The following FHAD1 variants were observed in gnomAD, a reference collection of about 807,000 sequenced individuals.
The protein encoded by FHAD1 is forkhead-associated domain-containing protein 1.
FHAD1 carries 146 observed loss-of-function variants against 191.3 expected under a neutral mutation model. The ratio of observed to expected loss-of-function variants is 0.76; its 90% CI spans 0.67 to 0.88. The LOEUF is 0.88. FHAD1 is among the 40% of genes least tolerant of loss of function. The pLI, the probability that FHAD1 is intolerant of heterozygous loss-of-function variation, is 0.00. For synonymous variants in FHAD1, 616 were observed against 672.3 expected, an observed-to-expected ratio of 0.92 and a Z score of 1.29; for missense variants, 1,635 against 1,785.8, an observed-to-expected ratio of 0.92 and a Z score of 1.52.
At chr1:15,391,508 A>G (rs1222918923) in intron 33 of FHAD1, among the ~76,000 whole-genome samples, 1 of 152,108 alleles carries the variant, frequency 6.6e-6, no homozygotes, top group African/African-American at 2.4e-5. Context: ...CTCTTTTTTA[A>G]TCAAGTCTAT....
At chr1:15,253,103 A>G (rs553828040) in intron 2 of FHAD1, among the ~76,000 whole-genome samples, 1 of 151,576 alleles carries the variant, frequency 6.6e-6, no homozygotes, top group Non-Finnish European at 1.5e-5. Flanking sequence ...GTTACTTACT[A>G]TGTGTGACTA....
intron 3 of FHAD1, among the ~76,000 whole-genome samples, chr1:15,284,624 G>T (rs577888932): frequency 2.6e-5 from 4 of 152,268 alleles, no homozygotes; most frequent in African/African-American, 7.2e-5. Flanking sequence ...CTCCCTTGGC[G>T]TTTTAGGGTG....
chr1:15,337,174 A>G (rs1684523210), intron 14 of FHAD1, among the ~76,000 whole-genome samples: 1 of 152,110 alleles, frequency 6.6e-6, no homozygotes, highest in Non-Finnish European at 1.5e-5. Context: ...AGGACCCTGG[A>G]TGGGCTGGGC....
At chr1:15,248,441 T>C (rs1207393790) in intron 1 of FHAD1, among the ~76,000 whole-genome samples, 1 of 151,844 alleles carries the variant, frequency 6.6e-6, no homozygotes, top group Non-Finnish European at 1.5e-5. Flanking sequence ...TACCCCGGGG[T>C]GATGCAGGAC....
chr1:15,291,640 C>T (rs74695398), intron 4 of FHAD1, among the ~76,000 whole-genome samples: 178 of 152,224 alleles, frequency 1.2e-3, no homozygotes, highest in East Asian at 8.3e-3. Flanking sequence ...AAACCCTATG[C>T]GTTATCTTAC....
intron 4 of FHAD1, among the ~76,000 whole-genome samples, chr1:15,292,985 C>A (rs913616063): frequency 6.6e-6 from 1 of 152,090 alleles, no homozygotes; most frequent in Non-Finnish European, 1.5e-5. Context: ...TATTGAGCCC[C>A]CTAGTCTGTG....
At chr1:15,271,734 A>G (rs548973220) in intron 2 of FHAD1, among the ~76,000 whole-genome samples, 109 of 152,350 alleles carry the variant, frequency 7.2e-4, no homozygotes, top group African/African-American at 2.5e-3. Context: ...AGCATAGAAA[A>G]AAAACGTGGA....
intron 19 of FHAD1, among the ~76,000 whole-genome samples, chr1:15,352,176 T>C (rs781643792): frequency 2.0e-5 from 3 of 152,200 alleles, no homozygotes; most frequent in East Asian, 1.9e-4. Flanking sequence ...GTTGTACATA[T>C]ACACGTATAT....
At chr1:15,366,028 C>T in intron 24 of FHAD1, 95 bp downstream of exon 24, 1 of 828,276 alleles carries the variant, frequency 1.2e-6, no homozygotes, top group East Asian at 2.7e-5. Flanking sequence ...TGGCGCACGC[C>T]TATAATCCCA....
chr1:15,281,865 T>G (rs1217541319), intron 3 of FHAD1, among the ~76,000 whole-genome samples: 4 of 152,078 alleles, frequency 2.6e-5, no homozygotes, highest in Non-Finnish European at 4.4e-5. Context: ...TACATTCTTC[T>G]GTAAGGAAGT....
chr1:15,391,127 TG>T, intron 32 of FHAD1, 82 bp from the exon 33 acceptor site: 2 of 687,640 alleles, frequency 2.9e-6, no homozygotes, highest in Non-Finnish European at 4.2e-6. Context: ...CATCTAAAAG[TG>T]GAGAAAAATC....
chr1:15,250,877 T>C (rs1780606), intron 1 of FHAD1, among the ~76,000 whole-genome samples: 44,269 of 151,990 alleles, frequency 0.29, 7,491 homozygotes, highest in Non-Finnish European at 0.39. Flanking sequence ...TATAGAAGTT[T>C]AGGGTTCCTT....
intron 14 of FHAD1, among the ~76,000 whole-genome samples, chr1:15,332,922 A>G (rs191247252): frequency 6.6e-6 from 1 of 152,242 alleles, no homozygotes; most frequent in Non-Finnish European, 1.5e-5. Flanking sequence ...CAAGAAGGGG[A>G]TAAAGAAAAC....
chr1:15,281,754 CTGTCTCAAAAAAAA>C (rs1660672563), intron 3 of FHAD1, among the ~76,000 whole-genome samples: 1 of 103,856 alleles, frequency 9.6e-6, no homozygotes, highest in Non-Finnish European at 1.7e-5. Context: ...GAGTGAGACA[CTGTCTCAAAAAAAA>C]AAAAAAAAAA....
At chr1:15,252,992 TAG>T in intron 2 of FHAD1, among the ~76,000 whole-genome samples, 1 of 152,280 alleles carries the variant, frequency 6.6e-6, no homozygotes, top group Middle Eastern at 3.4e-3. Flanking sequence ...CCTCACTCAA[TAG>T]ACTTTTTTAA....
intron 3 of FHAD1, among the ~76,000 whole-genome samples, chr1:15,281,201 C>G: frequency 6.6e-6 from 1 of 152,172 alleles, no homozygotes; most frequent in East Asian, 1.9e-4. Context: ...GCTCTTCTGT[C>G]TGCGTTTTAG....
chr1:15,374,073 A>C (rs1698876400), intron 26 of FHAD1, among the ~76,000 whole-genome samples: 1 of 152,200 alleles, frequency 6.6e-6, no homozygotes, highest in Non-Finnish European at 1.5e-5. Context: ...CCAATCTATC[A>C]AATCCCCCTA....
rs368271770 is a variant in FHAD1, at chr1:15,349,334, T to C, written c.2454+185T>C. On this transcript the variant is annotated intron_variant, in intron 19 of 33. Coordinates refer to ENST00000688493, the MANE Select transcript of FHAD1 (RefSeq NM_001391957.1). ...CTCCCCATCCCTCAGTTTCCTCATC[T>C]GTGAAATGGGAATGCTAACAGTCCC... 3.6e-4 allele frequency among the ~76,000 whole-genome samples: 55 copies of C among 152,334 alleles called. No homozygotes were observed. In the South Asian group the frequency reaches 0.011, roughly 29 times the overall value.
At chr1:15,375,801 T>G (rs2496342) in intron 28 of FHAD1, 71 bp downstream of exon 28, 412,861 of 1,435,668 alleles carry the variant, frequency 0.29, 66,962 homozygotes, top group African/African-American at 0.7. Context: ...GACACTAGCT[T>G]CGTTCCCTGG....
Sources: allele counts gnomAD v4.1 joint callset (sites outside exome capture counted in the v4.1 genomes callset), GRCh38; gene constraint gnomAD v4.1.1; transcripts MANE v1.5; gene names NCBI Gene and HGNC (gene_info 2026-07-23, HGNC 2026-07-21).